TBC1D1: variants seen among roughly 807,000 people sequenced by gnomAD.
TBC1D1 encodes the protein TBC1 domain family member 1.
In TBC1D1, 89 loss-of-function variants were observed where a neutral mutation model predicts 125.6. The ratio of observed to expected loss-of-function variants is 0.71; its 90% confidence interval spans 0.60 to 0.85. TBC1D1 has a LOEUF of 0.85. Ranked by LOEUF, TBC1D1 falls within the 40% of genes least tolerant of loss-of-function variation. The probability of loss-of-function intolerance (pLI) is 0.00; values close to 1 mark genes in which losing one functional copy is unlikely to be tolerated. For missense variants in TBC1D1, 1,377 were observed against 1,469.2 expected (o/e 0.94, Z 1.03); for synonymous variants, 565 against 564.1 (o/e 1.00, Z -0.02).
chr4:38,135,002 A>G (rs1766244564), intron 19 of TBC1D1, among the ~76,000 whole-genome samples: 1 of 152,210 alleles, frequency 6.6e-6, no homozygotes, highest in Non-Finnish European at 1.5e-5. Flanking sequence ...AGTTGGATCT[A>G]GGATTGTATT....
chr4:37,985,829 T>C (rs762561801), intron 2 of TBC1D1, among the ~76,000 whole-genome samples: 1 of 152,134 alleles, frequency 6.6e-6, no homozygotes, highest in Admixed American at 6.5e-5. Flanking sequence ...TAATGTGATA[T>C]ATGCACGAAG....
At chr4:38,052,027 G>T in intron 11 of TBC1D1, 1 of 1,551,080 alleles carries the variant, frequency 6.4e-7, no homozygotes, top group Middle Eastern at 1.7e-4. Context: ...CATAATTCCA[G>T]TGGAGAACAA....
intron 2 of TBC1D1, among the ~76,000 whole-genome samples, chr4:38,013,725 C>T (rs1742010647): frequency 6.6e-6 from 1 of 152,170 alleles, no homozygotes; most frequent in South Asian, 2.1e-4. Flanking sequence ...GGGACAACAC[C>T]GTGGCAGATG....
chr4:37,987,032 C>T (rs936714850), intron 2 of TBC1D1, among the ~76,000 whole-genome samples: 23 of 152,134 alleles, frequency 1.5e-4, no homozygotes, highest in African/African-American at 5.3e-4. Flanking sequence ...TCCTGTTTCC[C>T]GGAAGGCATC....
chr4:38,091,228 C>T (rs908623151), intron 13 of TBC1D1, among the ~76,000 whole-genome samples: 3 of 152,158 alleles, frequency 2.0e-5, no homozygotes, highest in African/African-American at 7.2e-5. Flanking sequence ...TAAGACCTTT[C>T]GACATGAAAG....
At chr4:37,951,206 G>T (rs748946628) in intron 2 of TBC1D1, among the ~76,000 whole-genome samples, 2 of 152,098 alleles carry the variant, frequency 1.3e-5, no homozygotes, top group Non-Finnish European at 2.9e-5. Flanking sequence ...GTCTTTGGGC[G>T]CTATTTACTG....
Position 38,021,702 on chromosome 4 carries a change from C to G in TBC1D1, c.1194C>G (p.Leu398=). Residue 398 remains leucine, a synonymous_variant, in exon 6 of 20, where the codon CTC becomes CTG. Coordinates refer to ENST00000261439, the MANE Select transcript of TBC1D1 (RefSeq NM_015173.4). ...GCCCCCTGCAAAGCCTGCACAAGCTCTGTGAGAGGATAGAGGGTGAGTAGG... is the reference window on the plus strand; with the variant it reads ...GCCCCCTGCAAAGCCTGCACAAGCTGTGTGAGAGGATAGAGGGTGAGTAGG... 6.3e-7 allele frequency: 1 copy of G among 1,584,938 alleles called. No individual in the cohort carries two copies. Among genetic ancestry groups the G allele is most frequent in the South Asian group, 1.2e-5 (1 of 86,862 alleles).
chr4:38,105,849 C>T (rs1315624257), intron 15 of TBC1D1, among the ~76,000 whole-genome samples: 3 of 152,128 alleles, frequency 2.0e-5, no homozygotes, highest in Non-Finnish European at 4.4e-5. Context: ...TTACTGGGCA[C>T]CTGGGTTGGT....
intron 2 of TBC1D1, among the ~76,000 whole-genome samples, chr4:37,945,486 C>T (rs1726491892): frequency 8.2e-6 from 1 of 121,834 alleles, no homozygotes. Context: ...GCACTCCAGC[C>T]TGGGCAACAG....
chr4:37,909,950 A>G (rs1349570185), intron 2 of TBC1D1, among the ~76,000 whole-genome samples: 6 of 152,318 alleles, frequency 3.9e-5, no homozygotes, highest in Middle Eastern at 3.4e-3. Flanking sequence ...TTTTTCGTCT[A>G]TAAAAAGAAT....
chr4:38,086,244 C>T (rs572528467), intron 12 of TBC1D1, among the ~76,000 whole-genome samples: 18 of 152,258 alleles, frequency 1.2e-4, no homozygotes, highest in African/African-American at 2.6e-4. Flanking sequence ...TTAGGAGAGA[C>T]GAAATGGTGA....
chr4:38,027,443 C>T (rs778121438), intron 6 of TBC1D1, among the ~76,000 whole-genome samples: 30 of 152,008 alleles, frequency 2.0e-4, no homozygotes, highest in Non-Finnish European at 2.5e-4. Context: ...GGCAACATGG[C>T]GAAACCTTGT....
intron 2 of TBC1D1, among the ~76,000 whole-genome samples, chr4:38,005,051 C>T (rs1739842908): frequency 6.6e-6 from 1 of 152,122 alleles, no homozygotes; most frequent in South Asian, 2.1e-4. Context: ...ATCTCCCCCG[C>T]CTTTCTGTTC....
rs375379532 is a variant in TBC1D1, at chr4:38,137,254, G to A, written c.3426G>A (p.Thr1142=). Reference sequence around the variant, plus strand: ...TGGAGCGGTCGGCCCTGCTGCAGACGGTGGAGGAGCTGCGGCGGCGGAGCG... The same window carrying A: ...TGGAGCGGTCGGCCCTGCTGCAGACAGTGGAGGAGCTGCGGCGGCGGAGCG... Residue 1142 remains threonine (T), a synonymous_variant, in exon 20 of 20, where the codon ACG becomes ACA. Coordinates refer to ENST00000261439, the MANE Select transcript of TBC1D1 (RefSeq NM_015173.4). 9 of 1,612,160 alleles carry A rather than the reference G, an allele frequency of 5.6e-6. No individual in the cohort carries two copies. Among genetic ancestry groups the A allele is most frequent in the African/African-American group, 5.3e-5 (4 of 74,984 alleles).
Position 37,902,148 on chromosome 4 carries a change from C to G in TBC1D1, c.53C>G (p.Ser18Trp), listed in dbSNP as rs371619257. The change falls in exon 2 of 20, where the codon TCG (serine) becomes TGG (tryptophan). Residue 18 changes from serine (S) to tryptophan (W), a missense_variant. Around this residue, in one of 3 missense-constraint regions of TBC1D1, gnomAD observed 822 missense variants for 824.6 expected, o/e 1.00. Coordinates refer to ENST00000261439, the MANE Select transcript of TBC1D1 (RefSeq NM_015173.4). ...AAACATCTGCTTTCTAACGAGGTCT[C>G]GGTGGATTTTGGCCTGCAGCTGGTG... 3 of 1,613,178 alleles carry G rather than the reference C, an allele frequency of 1.9e-6. No homozygotes were observed. In the Admixed American group the frequency reaches 5.0e-5, roughly 27 times the overall value.
At chr4:37,940,182 G>A (rs1015223310) in intron 2 of TBC1D1, among the ~76,000 whole-genome samples, 3 of 152,044 alleles carry the variant, frequency 2.0e-5, no homozygotes, top group Non-Finnish European at 4.4e-5. Context: ...ATTTGTTTGT[G>A]TCCTCTTTTA....
At chr4:38,070,427 C>CA (rs150607968) in intron 12 of TBC1D1, among the ~76,000 whole-genome samples, 1,549 of 152,340 alleles carry the variant, frequency 0.01, 25 homozygotes, top group African/African-American at 0.036. Flanking sequence ...GGACCTTCGG[C>CA]ATGACCCGGC....
At chr4:37,973,662 C>T (rs1732493624) in intron 2 of TBC1D1, among the ~76,000 whole-genome samples, 1 of 152,170 alleles carries the variant, frequency 6.6e-6, no homozygotes, top group Non-Finnish European at 1.5e-5. Context: ...GCTGACCATC[C>T]ACTCACATCA....
At chr4:37,944,441 TA>T (rs757528974) in intron 2 of TBC1D1, among the ~76,000 whole-genome samples, 2 of 152,222 alleles carry the variant, frequency 1.3e-5, no homozygotes, top group Non-Finnish European at 2.9e-5. Flanking sequence ...AGGTGGAGTC[TA>T]CAGAGGCAGG....
Sources: gnomAD v4.1 joint callset for allele counts (sites outside exome capture counted in the v4.1 genomes callset) on GRCh38, gnomAD v4.1.1 for gene constraint, gnomAD v4.1.1 regional missense constraint, MANE v1.5 for transcripts, NCBI Gene and HGNC (gene_info 2026-07-23, HGNC 2026-07-21) for gene names.